The following PCDHGA12 variants were observed in gnomAD, a reference collection of about 807,000 sequenced individuals.
PCDHGA12 encodes protocadherin gamma-A12.
A neutral mutation model predicts 61.1 loss-of-function variants in PCDHGA12; 43 were observed. The ratio of observed to expected loss-of-function variants is 0.70; its 90% CI spans 0.55 to 0.91. The LOEUF is 0.91. Ranked by LOEUF, PCDHGA12 falls within the 40% of genes least tolerant of loss-of-function variation. The pLI is 0.00. For missense variants in PCDHGA12, 1,236 were observed against 1,227.7 expected (o/e 1.01, Z -0.10); for synonymous variants, 520 against 542.9 (o/e 0.96, Z 0.59).
At position 141,477,795 on chromosome 5, in the gene PCDHGA12, G is replaced by T. The variant is rs778851755; in HGVS notation, c.2425-17012G>T. The T allele has an allele frequency of 1.2e-5, 19 of 1,613,946 alleles. 1 individual carries two copies. In the South Asian group the frequency reaches 1.6e-4, roughly 14 times the overall value. On this transcript the variant is annotated intron_variant, in intron 1 of 3. Transcript: ENST00000252085. The surrounding 1 kb of genome is among the most constrained non-coding windows in gnomAD (Gnocchi z 4.9). ...AGCGTGAACATATTTGTCACTGATC[G>T]CAATGACAATGCCCCCCAGGTCCTA...
At chr5:141,460,047 C>T (rs2098981053) in intron 1 of PCDHGA12, among the ~76,000 whole-genome samples, 1 of 152,102 alleles carries the variant, frequency 6.6e-6, no homozygotes. Context: ...CACTGCACTC[C>T]AGCCTGGGCA....
At chr5:141,468,755 A>G (rs918829539) in intron 1 of PCDHGA12, among the ~76,000 whole-genome samples, 3 of 151,976 alleles carry the variant, frequency 2.0e-5, no homozygotes, top group African/African-American at 7.2e-5. Flanking sequence ...AGTCCCAGCT[A>G]CTCGGGAGGC....
At chr5:141,501,423 A>G (rs1195105794) in intron 2 of PCDHGA12, among the ~76,000 whole-genome samples, 4 of 151,966 alleles carry the variant, frequency 2.6e-5, no homozygotes, top group African/African-American at 7.2e-5. Flanking sequence ...AGTTGACTAA[A>G]TGTAGTCCAT....
At chr5:141,502,494 A>G (rs928571740) in intron 2 of PCDHGA12, among the ~76,000 whole-genome samples, 2 of 152,180 alleles carry the variant, frequency 1.3e-5, no homozygotes, top group South Asian at 2.1e-4. Context: ...GGACTCATCT[A>G]ACGTCGGCCT....
chr5:141,457,428 C>G (rs72790053), intron 1 of PCDHGA12, among the ~76,000 whole-genome samples: 1,866 of 152,262 alleles, frequency 0.012, 18 homozygotes, highest in Non-Finnish European at 0.017. Context: ...TTTTTCCCCC[C>G]CACCAAGCTG....
rs1485669709 is a variant in PCDHGA12 at position 141,432,989 on chromosome 5, G to A, written c.2230G>A (p.Asp744Asn). The change falls in exon 1 of 4, where the codon GAC (aspartate) becomes AAC (asparagine). Residue 744 changes from aspartate (D) to asparagine (N), a missense_variant. Physicochemically the swap from Asp to Asn is conservative, Grantham distance 23. Coordinates refer to ENST00000252085, the MANE Select transcript of PCDHGA12 (RefSeq NM_003735.3). The surrounding 1 kb of genome is among the most constrained non-coding windows in gnomAD (Gnocchi z 6.0). ...GCCGGCGTCGCACTTTGTGGGCGTG[G>A]ACGGGGTGCAGGCTTTCCTGCAGAC... ...GAPASHFVGV[D>N]GVQAFLQTYS... is the part of the protein sequence containing the mutation. The A allele has an allele frequency of 1.9e-6, 3 of 1,614,210 alleles. No individual in the cohort carries two copies. The highest frequency in any genetic ancestry group is 1.3e-5 in the African/African-American group (1 of 75,066).
In PCDHGA12 at chr5:141,490,413, G is replaced by C. The variant is rs2233606; in HGVS notation, c.2425-4394G>C. 6 of 1,614,128 alleles carry C rather than the reference G, an allele frequency of 3.7e-6. No individual in the cohort carries two copies. In the South Asian group the frequency reaches 4.4e-5, roughly 12 times the overall value. On this transcript the variant is annotated intron_variant, in intron 1 of 3. Transcript: ENST00000252085. The surrounding 1 kb of genome is among the most constrained non-coding windows in gnomAD (Gnocchi z 5.4). ...GTGAAGTGAGCCTTGATATCTCTCCGGACCTGCCATTTCAGATTAAGCCTT... is the reference window on the plus strand; with the variant it reads ...GTGAAGTGAGCCTTGATATCTCTCCCGACCTGCCATTTCAGATTAAGCCTT...
intron 2 of PCDHGA12, among the ~76,000 whole-genome samples, chr5:141,502,152 C>T (rs1306227782): frequency 2.0e-5 from 3 of 152,128 alleles, no homozygotes; most frequent in African/African-American, 4.8e-5. Flanking sequence ...AAGTAAGGAC[C>T]CCAGATATTC....
At chr5:141,467,097 G>A (rs912875702) in intron 1 of PCDHGA12, among the ~76,000 whole-genome samples, 1 of 150,152 alleles carries the variant, frequency 6.7e-6, no homozygotes, top group Non-Finnish European at 1.5e-5. Context: ...CTGTCACACA[G>A]GCTGGAGTAC....
intron 1 of PCDHGA12, chr5:141,478,852 A>G (rs2099480601): frequency 7.3e-7 from 1 of 1,367,502 alleles, no homozygotes; most frequent in African/African-American, 1.5e-5. Flanking sequence ...GCTAAAACAC[A>G]AGATCTCAGC....
rs1360494290 is a variant in PCDHGA12 at position 141,433,285 on chromosome 5, C to T, written c.2424+102C>T. On this transcript the variant is annotated intron_variant, in intron 1 of 3. Coordinates refer to ENST00000252085, the MANE Select transcript of PCDHGA12 (RefSeq NM_003735.3). ...CATAGCTCACTGCAGCCTCAAACTCCTAGGCTCAAGCAATTATCCCACCTT... is the reference window on the plus strand; with the variant it reads ...CATAGCTCACTGCAGCCTCAAACTCTTAGGCTCAAGCAATTATCCCACCTT... The T allele has an allele frequency of 6.8e-6, 8 of 1,169,708 alleles. No individual in the cohort carries two copies. In the East Asian group the frequency reaches 1.7e-4, roughly 25 times the overall value. The allele number at this position is 1,169,708 out of a possible 1,614,324, so 72.5% of individuals were successfully genotyped here. A position where few individuals can be genotyped will look rare whatever the true frequency, so the allele number is the denominator to read the frequency against.
At chr5:141,460,848 C>A (rs528601988) in intron 1 of PCDHGA12, among the ~76,000 whole-genome samples, 1 of 150,236 alleles carries the variant, frequency 6.7e-6, no homozygotes, top group African/African-American at 2.4e-5. Context: ...GCCTCCAGTT[C>A]GATCCAAGTT....
chr5:141,442,716 G>A (rs1367250926), intron 1 of PCDHGA12, among the ~76,000 whole-genome samples: 1 of 152,206 alleles, frequency 6.6e-6, no homozygotes, highest in East Asian at 1.9e-4. Context: ...ACATGCCAGA[G>A]CATTTGGGGC....
chr5:141,444,350 T>C (rs1021358194), intron 1 of PCDHGA12, among the ~76,000 whole-genome samples: 7 of 151,946 alleles, frequency 4.6e-5, no homozygotes, highest in Admixed American at 2.0e-4. Context: ...TTTGTATTTT[T>C]AGTAGAGACG....
intron 1 of PCDHGA12, among the ~76,000 whole-genome samples, chr5:141,436,383 G>C (rs1374382672): frequency 6.6e-6 from 1 of 152,104 alleles, no homozygotes; most frequent in Admixed American, 6.5e-5. Context: ...AGCTGAATAG[G>C]CTTTATTAAA....
At chr5:141,507,785 C>T (rs1203302886) in intron 3 of PCDHGA12, among the ~76,000 whole-genome samples, 1 of 152,222 alleles carries the variant, frequency 6.6e-6, no homozygotes, top group African/African-American at 2.4e-5. Context: ...GCCTGACCCT[C>T]GTCTAAGCCT....
intron 1 of PCDHGA12, among the ~76,000 whole-genome samples, chr5:141,439,662 G>A (rs2098125902): frequency 6.6e-6 from 1 of 152,150 alleles, no homozygotes; most frequent in South Asian, 2.1e-4. Flanking sequence ...TAATTTCATG[G>A]AATGCAAATC....
intron 1 of PCDHGA12, among the ~76,000 whole-genome samples, chr5:141,484,211 G>A (rs1362875959): frequency 6.6e-6 from 1 of 152,158 alleles, no homozygotes; most frequent in Non-Finnish European, 1.5e-5. Context: ...ATGAACATTA[G>A]CATTCTGCCA....
At chr5:141,469,543 C>G (rs1031152008) in intron 1 of PCDHGA12, among the ~76,000 whole-genome samples, 4 of 152,040 alleles carry the variant, frequency 2.6e-5, no homozygotes, top group Non-Finnish European at 4.4e-5. Flanking sequence ...CCACTGCACT[C>G]CAGCCTGGCG....
Sources: gnomAD v4.1 joint callset for allele counts (sites outside exome capture counted in the v4.1 genomes callset) on GRCh38, gnomAD v4.1.1 for gene constraint, Gnocchi (gnomAD v3.1) non-coding constraint, MANE v1.5 for transcripts, NCBI Gene and HGNC (gene_info 2026-07-23, HGNC 2026-07-21) for gene names.